The following MKLN1 variants were observed in gnomAD, a reference collection of about 807,000 sequenced individuals.
The protein encoded by MKLN1 is muskelin.
Under a neutral mutation model 99.0 loss-of-function variants are expected in MKLN1, and 18 were observed. That is an observed-to-expected ratio of 0.18 (90% CI 0.13 to 0.27). The LOEUF (loss-of-function observed/expected upper bound fraction) is 0.27, where lower values mean the gene tolerates loss of function less well. Among genes scored for constraint, MKLN1 ranks in the 10% least tolerant of loss-of-function variants. MKLN1 has a pLI of 1.00. For synonymous variants in MKLN1, 288 were observed against 293.2 expected, an observed-to-expected ratio of 0.98 and a Z score of 0.18; for missense variants, 621 against 875.9, an observed-to-expected ratio of 0.71 and a Z score of 3.67.
At chr7:131,227,495 C>CTCCTTCTTTCTTTCTTTCTTTCTT (rs796728086) in intron 3 of MKLN1, among the ~76,000 whole-genome samples, 5 of 115,710 alleles carry the variant, frequency 4.3e-5, no homozygotes, top group African/African-American at 6.8e-5. Flanking sequence ...CTCTTTCTTT[C>CTCCTTCTTTCTTTCTTTCTTTCTT]TCTTTCTTTC....
chr7:131,227,811 C>G (rs1053301772), intron 3 of MKLN1, among the ~76,000 whole-genome samples: 2 of 152,112 alleles, frequency 1.3e-5, no homozygotes, highest in Non-Finnish European at 2.9e-5. Context: ...AGGAATCTGC[C>G]CGCCTCAGCC....
intron 8 of MKLN1, among the ~76,000 whole-genome samples, chr7:131,420,072 G>A (rs546775085): frequency 6.6e-4 from 101 of 152,034 alleles, no homozygotes; most frequent in African/African-American, 2.2e-3. Context: ...TATTTTAAAA[G>A]GTATCATATA....
At chr7:131,250,896 A>G (rs1283939394) in intron 3 of MKLN1, among the ~76,000 whole-genome samples, 4 of 152,178 alleles carry the variant, frequency 2.6e-5, no homozygotes, top group African/African-American at 7.2e-5. Context: ...TGAGTAAAGT[A>G]ACAGGTTTCT....
chr7:131,470,418 A>C (rs1363465060), intron 15 of MKLN1, among the ~76,000 whole-genome samples: 1 of 152,248 alleles, frequency 6.6e-6, no homozygotes, highest in African/African-American at 2.4e-5. Flanking sequence ...TCTGTTAAGC[A>C]TCTCCATTAG....
chr7:131,139,844 T>G (rs1015506290), intron 1 of MKLN1, among the ~76,000 whole-genome samples: 2 of 152,154 alleles, frequency 1.3e-5, no homozygotes, highest in African/African-American at 4.8e-5. Flanking sequence ...TCTGCAGTTT[T>G]GGCCAAGACC....
chr7:131,197,065 A>AC, intron 2 of MKLN1, among the ~76,000 whole-genome samples: 1 of 152,290 alleles, frequency 6.6e-6, no homozygotes, highest in Non-Finnish European at 1.5e-5. Flanking sequence ...TTTAATTCTC[A>AC]GAGCTGGCAC....
At chr7:131,247,727 A>T (rs1389460016) in intron 3 of MKLN1, among the ~76,000 whole-genome samples, 2 of 152,128 alleles carry the variant, frequency 1.3e-5, no homozygotes, top group Non-Finnish European at 2.9e-5. Context: ...AGCTGTTAAA[A>T]TTATTTATTT....
intron 3 of MKLN1, among the ~76,000 whole-genome samples, chr7:131,245,490 A>G (rs1454699517): frequency 6.6e-6 from 1 of 152,122 alleles, no homozygotes; most frequent in Non-Finnish European, 1.5e-5. Context: ...CTGGTCTCGA[A>G]TTCCTGCCCT....
chr7:131,129,088 G>C (rs945434585), intron 1 of MKLN1, among the ~76,000 whole-genome samples: 1 of 151,998 alleles, frequency 6.6e-6, no homozygotes, highest in African/African-American at 2.4e-5. Context: ...AGGAAAAAAA[G>C]GAATTCAACT....
intron 3 of MKLN1, among the ~76,000 whole-genome samples, chr7:131,303,776 T>A (rs541493189): frequency 6.6e-6 from 1 of 152,352 alleles, no homozygotes; most frequent in South Asian, 2.1e-4. Context: ...TGTAACTTCC[T>A]CATATGAGAA....
intron 3 of MKLN1, among the ~76,000 whole-genome samples, chr7:131,265,115 C>T (rs1797788502): frequency 6.6e-6 from 1 of 152,186 alleles, no homozygotes. Context: ...GCTGGGATTA[C>T]AGGCGTGAGC....
In MKLN1 at chr7:131,493,103, T is replaced by G. The variant is rs149425422; in HGVS notation, c.*5375T>G. The stretch of plus-strand genomic sequence containing the variant: ...GCTTGCTGGAAAACAGAATTTAACA[T>G]GAATGTTGTCTGAAAGCTGTAGGAT... On this transcript the variant is annotated 3_prime_UTR_variant, in exon 18 of 18. Transcript: ENST00000352689. 6.6e-6 allele frequency: 1 copy of G among 152,318 alleles called. No homozygotes were observed. The highest frequency in any genetic ancestry group is 2.4e-5 in the African/African-American group (1 of 41,568). 9.4% of individuals were successfully genotyped at this position (152,318 alleles called of 1,614,324 possible).
At chr7:131,396,168 G>A (rs1237017040) in intron 4 of MKLN1, among the ~76,000 whole-genome samples, 2 of 152,110 alleles carry the variant, frequency 1.3e-5, no homozygotes, top group African/African-American at 2.4e-5. Context: ...CACCTCCTGG[G>A]TTCAAGTGAT....
chr7:131,463,389 A>G (rs1796571946), intron 13 of MKLN1, 25 bp downstream of exon 13: 1 of 1,595,194 alleles, frequency 6.3e-7, no homozygotes, highest in Non-Finnish European at 8.6e-7. Context: ...TCTCTGCTGC[A>G]ATCCCAATGT....
intron 16 of MKLN1, chr7:131,471,200 G>T: frequency 3.4e-6 from 1 of 292,782 alleles, no homozygotes; most frequent in Non-Finnish European, 6.3e-6. Flanking sequence ...ACTTAGTTTT[G>T]TGTTTTGGAA....
At chr7:131,406,947 G>A (rs1226915948) in intron 6 of MKLN1, among the ~76,000 whole-genome samples, 2 of 152,012 alleles carry the variant, frequency 1.3e-5, no homozygotes, top group African/African-American at 2.4e-5. Context: ...AAGGCTGTCC[G>A]AAACTCCAGT....
intron 11 of MKLN1, 70 bp from the exon 12 acceptor site, chr7:131,445,704 A>G: frequency 5.9e-6 from 8 of 1,346,634 alleles, no homozygotes; most frequent in South Asian, 1.5e-5. Flanking sequence ...TTAAGTTTTT[A>G]AAGGATCATT....
intron 3 of MKLN1, among the ~76,000 whole-genome samples, chr7:131,282,274 G>A (rs941196125): frequency 7.3e-5 from 11 of 151,416 alleles, no homozygotes; most frequent in Non-Finnish European, 1.2e-4. Flanking sequence ...GCTTGAACCC[G>A]GGAGGCGGAG....
chr7:131,260,958 T>A (rs1797724189), intron 3 of MKLN1, among the ~76,000 whole-genome samples: 1 of 152,230 alleles, frequency 6.6e-6, no homozygotes, highest in Non-Finnish European at 1.5e-5. Flanking sequence ...AGATTGAAGC[T>A]GGACTCCTTC....
Sources: gnomAD v4.1 joint callset for allele counts (sites outside exome capture counted in the v4.1 genomes callset) on GRCh38, gnomAD v4.1.1 for gene constraint, MANE v1.5 for transcripts, NCBI Gene and HGNC (gene_info 2026-07-23, HGNC 2026-07-21) for gene names.